The following MEIOC variants were observed in gnomAD, a reference collection of about 807,000 sequenced individuals.
MEIOC encodes the protein meiosis specific with coiled-coil domain.
Under a neutral mutation model 85.3 loss-of-function variants are expected in MEIOC, and 9 were observed. The ratio of observed to expected loss-of-function variants is 0.11; its 90% CI spans 0.06 to 0.18. The LOEUF is 0.18. Among genes scored for constraint, MEIOC ranks in the 10% least tolerant of loss-of-function variants. MEIOC has a pLI of 1.00. For synonymous variants in MEIOC, 365 were observed against 393.7 expected (o/e 0.93, Z 0.86); for missense variants, 898 against 1,129.4 (o/e 0.80, Z 2.94).
chr17:44,665,115 C>T, intron 3 of MEIOC: 2 of 1,010,448 alleles, frequency 2.0e-6, no homozygotes, highest in South Asian at 4.5e-5. Flanking sequence ...AAATGAAAAC[C>T]ATGTGTTGTG....
In MEIOC at chr17:44,667,523, G is replaced by A. The variant is rs1598728033; in HGVS notation, c.1612G>A (p.Glu538Lys). 12 of 1,613,846 alleles carry A rather than the reference G, an allele frequency of 7.4e-6. No homozygotes were observed. The highest frequency in any genetic ancestry group is 9.3e-6 in the Non-Finnish European group (11 of 1,179,856). ...CAATTTATTTCAGAAATATTGCCAA[G>A]AAAACCCTTCAGCATTTTCTAGTTT... is the stretch of plus-strand genomic sequence containing the variant. ...NSNLFQKYCQ[E>K]NPSAFSSFDF... The change falls in exon 5 of 8, where the codon GAA becomes AAA. Residue 538 changes from glutamate to lysine, a missense_variant. This residue lies in a region of MEIOC where 734 missense variants were observed against 860.1 expected (regional missense o/e 0.85). Coordinates refer to ENST00000409122, the MANE Select transcript of MEIOC (RefSeq NM_001145080.3).
chr17:44,666,531 A>C lies in MEIOC; in HGVS notation c.620A>C (p.Gln207Pro), dbSNP rs757071190. 4.4e-6 allele frequency: 7 copies of C among 1,609,074 alleles called. No individual in the cohort carries two copies. The Admixed American group carries it at 5.1e-5, about 12-fold the overall frequency. The change falls in exon 5 of 8, where the codon CAA becomes CCA. Residue 207 changes from glutamine (Q) to proline (P), a missense_variant. By Grantham distance (76) the Gln-to-Pro change is moderately conservative. Coordinates refer to ENST00000409122, the MANE Select transcript of MEIOC (RefSeq NM_001145080.3). ...GAATCTGTGTCAGCAATGGAAAAGC[A>C]ATACCTGCGTAACAGTAATCTCACA... ...SDESVSAMEKQYLRNSNLTPQ... is the reference protein window; with the variant it reads ...SDESVSAMEKPYLRNSNLTPQ...
In MEIOC at chr17:44,675,476, T is replaced by C. The variant is rs1443180795; in HGVS notation, c.*1280T>C. 1 of 960,906 alleles carries C rather than the reference T, an allele frequency of 1.0e-6. No individual in the cohort carries two copies. The highest frequency in any genetic ancestry group is 1.2e-6 in the Non-Finnish European group (1 of 807,788). The allele number at this position is 960,906 out of a possible 1,614,324, so 59.5% of individuals were successfully genotyped here. On this transcript the variant is annotated 3_prime_UTR_variant, in exon 8 of 8. Coordinates refer to ENST00000409122, the MANE Select transcript of MEIOC (RefSeq NM_001145080.3). Reference sequence around the variant, plus strand: ...TGACTAGAAACACTGATGTTTTAAATGTTAGTGTTTTTCTTAGTTTTAGAA... The same window carrying C: ...TGACTAGAAACACTGATGTTTTAAACGTTAGTGTTTTTCTTAGTTTTAGAA...
Position 44,669,368 on chromosome 17 carries a change from T to C in MEIOC, c.2323-15T>C, listed in dbSNP as rs774899641. The C allele has an allele frequency of 3.9e-6, 6 of 1,547,430 alleles. No individual in the cohort carries two copies. Among genetic ancestry groups the C allele is most frequent in the South Asian group, 3.6e-5 (3 of 82,678 alleles). On this transcript the variant is annotated splice_polypyrimidine_tract_variant and intron_variant, in intron 5 of 7. Coordinates refer to ENST00000409122, the MANE Select transcript of MEIOC (RefSeq NM_001145080.3). ...TAGAAAATTCTACATCTAAAAAGTA[T>C]GTAATTTTTTACAGACTGAATTAGC... is the stretch of plus-strand genomic sequence containing the variant.
In MEIOC at chr17:44,667,979, C is replaced by G. The variant is rs750397396; in HGVS notation, c.2068C>G (p.Leu690Val). ...ACAACTTGGTTCAAATGGGTTTCCC[C>G]TAAGATCCACCCACCCATTTGGCCA... ...FQQLGSNGFP[L>V]RSTHPFGHSV... The change falls in exon 5 of 8, where the codon CTA becomes GTA. Residue 690 changes from leucine (L) to valine (V), a missense_variant. Leu to Val is a conservative substitution (Grantham distance 32, BLOSUM62 1). Around this residue, in one of 2 missense-constraint regions of MEIOC, gnomAD observed 734 missense variants for 860.1 expected, o/e 0.85. Coordinates refer to ENST00000409122, the MANE Select transcript of MEIOC (RefSeq NM_001145080.3). 1 of 1,613,822 alleles carries G rather than the reference C, an allele frequency of 6.2e-7. No homozygotes were observed. The highest frequency in any genetic ancestry group is 1.1e-5 in the South Asian group (1 of 91,036).
In MEIOC at chr17:44,667,256, C is replaced by T. The variant is rs1971921927; in HGVS notation, c.1345C>T (p.Pro449Ser). 3 of 1,613,554 alleles carry T rather than the reference C, an allele frequency of 1.9e-6. No homozygotes were observed. Among genetic ancestry groups the T allele is most frequent in the South Asian group, 2.2e-5 (2 of 91,066 alleles). Residue 449 changes from proline to serine, a missense_variant, in exon 5 of 8, where the codon CCC becomes TCC. Pro to Ser is a moderately conservative substitution (Grantham distance 74). Around this residue, in one of 2 missense-constraint regions of MEIOC, gnomAD observed 734 missense variants for 860.1 expected, o/e 0.85. Transcript: ENST00000409122. ...TEKQQFAKPDPPHSEYFKSVN... is the reference protein window; with the variant it reads ...TEKQQFAKPDSPHSEYFKSVN... ...AAAGCAACAGTTTGCTAAACCTGAT[C>T]CCCCACATTCTGAGTATTTTAAATC...
chr17:44,667,357 A>G lies in MEIOC; in HGVS notation c.1446A>G (p.Gln482=), dbSNP rs1971924207. 6.2e-7 allele frequency: 1 copy of G among 1,613,916 alleles called. No homozygotes were observed. Among genetic ancestry groups the G allele is most frequent in the Admixed American group, 1.7e-5 (1 of 60,034 alleles). ...NLNRPTWMNV[Q]TKNNTPIPYR... is the part of the protein sequence containing the mutation. ...ACAGACCAACTTGGATGAATGTTCA[A>G]ACAAAAAATAACACTCCTATTCCTT... Residue 482 remains glutamine (Q), a synonymous_variant, in exon 5 of 8, where the codon CAA becomes CAG. Transcript: ENST00000409122.
intron 6 of MEIOC, chr17:44,670,887 A>G (rs1264721607): frequency 6.6e-6 from 1 of 151,978 alleles, no homozygotes; most frequent in Non-Finnish European, 1.5e-5. Flanking sequence ...GTTGTAAAGA[A>G]TCCTCGTTAA....
rs552991040 is a variant in MEIOC at position 44,669,564 on chromosome 17, T to G, written c.2457+47T>G. On this transcript the variant is annotated intron_variant, in intron 6 of 7. Coordinates refer to ENST00000409122, the MANE Select transcript of MEIOC (RefSeq NM_001145080.3). Reference sequence around the variant, plus strand: ...CAGTGGATGGATTTTTTGTTAAATTTTTTTTAAGTTTCAGGCCAGGCGTGG... The same window carrying G: ...CAGTGGATGGATTTTTTGTTAAATTGTTTTTAAGTTTCAGGCCAGGCGTGG... 1.3e-5 allele frequency: 20 copies of G among 1,546,846 alleles called. No homozygotes were observed. In the African/African-American group the frequency reaches 2.7e-4, roughly 21 times the overall value.
In MEIOC at chr17:44,666,797, T is replaced by C; in HGVS notation, c.886T>C (p.Cys296Arg). 6.2e-7 allele frequency: 1 copy of C among 1,613,492 alleles called. No individual in the cohort carries two copies. Among genetic ancestry groups the C allele is most frequent in the Non-Finnish European group, 8.5e-7 (1 of 1,179,754 alleles). ...CTACCATTATGGAAGAGACAGAATA[T>C]GTACTAAAGGTCTTGAAGCACCACT... is the stretch of plus-strand genomic sequence containing the variant. ...DIYHYGRDRICTKGLEAPLQQ... is the reference protein window; with the variant it reads ...DIYHYGRDRIRTKGLEAPLQQ... The change falls in exon 5 of 8, where the codon TGT (cysteine) becomes CGT (arginine). Residue 296 changes from cysteine to arginine, a missense_variant. Cys to Arg is a radical substitution (Grantham distance 180). Coordinates refer to ENST00000409122, the MANE Select transcript of MEIOC (RefSeq NM_001145080.3).
chr17:44,676,693 T>C (rs1410167494), downstream of MEIOC, among the ~76,000 whole-genome samples: 2 of 151,998 alleles, frequency 1.3e-5, no homozygotes, highest in African/African-American at 2.4e-5. Flanking sequence ...GTGGTGGCAC[T>C]CGCCTGTAGT....
At chr17:44,657,830 G>C (rs1471360878) in intron 2 of MEIOC, among the ~76,000 whole-genome samples, 2 of 151,374 alleles carry the variant, frequency 1.3e-5, no homozygotes, top group Non-Finnish European at 2.9e-5. Context: ...TGGGATTACA[G>C]GCATGAGCCA....
Position 44,675,096 on chromosome 17 carries a change from C to CTT in MEIOC, c.*901_*902insTT. ...AATGTATTTTTTTAAAGGTTAATCT[C>CTT]TAACTAGTTTAGCTTGCAATTGGTT... On this transcript the variant is annotated 3_prime_UTR_variant, in exon 8 of 8. Transcript: ENST00000409122. 1.0e-6 allele frequency: 1 copy of CTT among 985,128 alleles called. No homozygotes were observed. Among genetic ancestry groups the CTT allele is most frequent in the Non-Finnish European group, 1.2e-6 (1 of 829,752 alleles). The allele number at this position is 985,128 out of a possible 1,614,324, so 61.0% of individuals were successfully genotyped here.
rs747308552 is a variant in MEIOC, at chr17:44,667,917, A to G, written c.2006A>G (p.Tyr669Cys). ...CAAGTGTCATGCTTTTCTAATAATT[A>G]TATGATGGGAGATTTAAGGCATAAT... ...RTQVSCFSNN[Y>C]MMGDLRHNQC... Residue 669 changes from tyrosine to cysteine, a missense_variant, in exon 5 of 8, where the codon TAT becomes TGT. Tyr to Cys is a radical substitution (Grantham distance 194, BLOSUM62 -2). Transcript: ENST00000409122. 6 of 1,613,748 alleles carry G rather than the reference A, an allele frequency of 3.7e-6. No individual in the cohort carries two copies. The Admixed American group carries it at 6.7e-5, about 18-fold the overall frequency.
At chr17:44,673,312 T>C in intron 6 of MEIOC, 54 bp from the exon 7 acceptor site, 1 of 1,339,392 alleles carries the variant, frequency 7.5e-7, no homozygotes, top group Non-Finnish European at 1.0e-6. Flanking sequence ...GATTTGTTTT[T>C]ACTTAAGTTA....
intron 5 of MEIOC, among the ~76,000 whole-genome samples, chr17:44,668,775 G>A (rs1467681687): frequency 1.3e-5 from 2 of 152,208 alleles, no homozygotes; most frequent in Non-Finnish European, 2.9e-5. Flanking sequence ...GATGAAAAAT[G>A]CTTGACATTT....
rs538381539 is a variant in MEIOC at position 44,674,816 on chromosome 17, A to G, written c.*620A>G. ...AAATGCATCTGATTCTCCTAAATTA[A>G]TGATAAAAGTGTCAGTGTAAAAACC... is the stretch of plus-strand genomic sequence containing the variant. On this transcript the variant is annotated 3_prime_UTR_variant, in exon 8 of 8. Transcript: ENST00000409122. The G allele has an allele frequency of 1.1e-4, 108 of 984,582 alleles. No homozygotes were observed. In the South Asian group the frequency reaches 3.4e-3, roughly 31 times the overall value. The allele number at this position is 984,582 out of a possible 1,614,324, so 61.0% of individuals were successfully genotyped here. A position where few individuals can be genotyped will look rare whatever the true frequency, so the allele number is the denominator to read the frequency against.
At chr17:44,664,726 G>A (rs762303274) in intron 3 of MEIOC, among the ~76,000 whole-genome samples, 6 of 152,140 alleles carry the variant, frequency 3.9e-5, no homozygotes, top group African/African-American at 9.7e-5. Context: ...AATCTTCCAC[G>A]TGCTTGTGGT....
intron 2 of MEIOC, among the ~76,000 whole-genome samples, chr17:44,660,414 T>C (rs1222214711): frequency 6.6e-6 from 1 of 152,032 alleles, no homozygotes; most frequent in East Asian, 1.9e-4. Context: ...CTAATTTTTG[T>C]ATTTTTGTCG....
Sources: allele counts gnomAD v4.1 joint callset (sites outside exome capture counted in the v4.1 genomes callset), GRCh38; gene constraint gnomAD v4.1.1; regional missense constraint gnomAD v4.1.1; transcripts MANE v1.5; gene names NCBI Gene and HGNC (gene_info 2026-07-23, HGNC 2026-07-21).